Variants in DACH2 observed in about 807,000 individuals in gnomAD.
DACH2 encodes the protein dachshund family transcription factor 2.
DACH2 carries 17 observed loss-of-function variants against 35.8 expected under a neutral mutation model. That is an observed-to-expected ratio of 0.48 (90% CI 0.33 to 0.71). DACH2 has a LOEUF of 0.71. DACH2 is among the 30% of genes least tolerant of loss of function. The pLI, the probability that DACH2 is intolerant of heterozygous loss-of-function variation, is 0.02. For synonymous variants in DACH2, 195 were observed against 177.3 expected (o/e 1.10, Z -0.79); for missense variants, 469 against 472.7 (o/e 0.99, Z 0.07).
rs567863031 is a variant in DACH2 at position 86,630,779 on chromosome X, C to T, written c.641-20257C>T. Among the ~76,000 whole-genome samples, 26 of 109,883 alleles carry T rather than the reference C, an allele frequency of 2.4e-4. No homozygotes were observed. The South Asian group carries it at 0.01, about 44-fold the overall frequency. On this transcript the variant is annotated intron_variant, in intron 3 of 11. Transcript: ENST00000373125. ...GATCTCAGCTCACTGCAACTTCCGC[C>T]TCCTGGGTTTAAGCGATTCTCCTGC...
intron 1 of DACH2, among the ~76,000 whole-genome samples, chrX:86,296,176 G>A (rs989598256): frequency 4.1e-4 from 44 of 106,216 alleles, no homozygotes; most frequent in African/African-American, 1.3e-3. Context: ...TCAGGAGATC[G>A]AGACCATCCT....
chrX:86,604,368 CCTT>C (rs894469391), intron 3 of DACH2, among the ~76,000 whole-genome samples: 1 of 111,172 alleles, frequency 9.0e-6, no homozygotes, highest in Admixed American at 9.6e-5. Flanking sequence ...ATGTTGTACT[CCTT>C]CATGTATAAT....
At chrX:86,258,314 C>T (rs1241851677) in intron 1 of DACH2, among the ~76,000 whole-genome samples, 1 of 111,286 alleles carries the variant, frequency 9.0e-6, no homozygotes, top group East Asian at 2.8e-4. Flanking sequence ...AAATTGAAAG[C>T]ACACAATGTT....
At chrX:86,541,913 C>A (rs2038889102) in intron 3 of DACH2, among the ~76,000 whole-genome samples, 1 of 111,603 alleles carries the variant, frequency 9.0e-6, no homozygotes, top group African/African-American at 3.3e-5. Flanking sequence ...CTCTTAACCC[C>A]TGAGTGGTTA....
chrX:86,181,361 G>T (rs2031487791), intron 1 of DACH2, among the ~76,000 whole-genome samples: 1 of 110,509 alleles, frequency 9.0e-6, no homozygotes, highest in South Asian at 3.9e-4. Context: ...ACAGGCCCTG[G>T]TGTGTGATGT....
intron 1 of DACH2, among the ~76,000 whole-genome samples, chrX:86,263,561 CT>C (rs1186589573): frequency 9.0e-6 from 1 of 111,077 alleles, no homozygotes; most frequent in Non-Finnish European, 1.9e-5. Flanking sequence ...TAAGGTTTTT[CT>C]TTTTAAAGAA....
At chrX:86,821,570 T>A (rs1468223019) in intron 11 of DACH2, among the ~76,000 whole-genome samples, 1 of 111,635 alleles carries the variant, frequency 9.0e-6, no homozygotes, top group Non-Finnish European at 1.9e-5. Context: ...ACAGGATTTT[T>A]ATCCTGACTG....
intron 6 of DACH2, among the ~76,000 whole-genome samples, chrX:86,729,333 C>T (rs756388341): frequency 2.7e-5 from 3 of 112,034 alleles, no homozygotes; most frequent in East Asian, 2.8e-4. Flanking sequence ...TTACCCAATG[C>T]CTATACCCCT....
chrX:86,247,193 C>T (rs1012786427), intron 1 of DACH2, among the ~76,000 whole-genome samples: 4 of 111,167 alleles, frequency 3.6e-5, no homozygotes, highest in African/African-American at 9.8e-5. Flanking sequence ...TGTGAAGTTC[C>T]TAACATCACA....
Position 86,714,700 on chromosome X carries a change from G to A in DACH2, c.1084G>A (p.Ala362Thr). 8.5e-7 allele frequency: 1 copy of A among 1,174,360 alleles called. No homozygotes were observed. Among genetic ancestry groups the A allele is most frequent in the African/African-American group, 1.7e-5 (1 of 57,146 alleles). The stretch of plus-strand genomic sequence containing the variant: ...ACAGATTCACAGTCCACTCTCCAGA[G>A]CTGGTACCTCTGTTATAAAGGTAAG... ...AAQIHSPLSR[A>T]GTSVIKERIP... The change falls in exon 6 of 12, where the codon GCT becomes ACT. Residue 362 changes from alanine (A) to threonine (T), a missense_variant. Coordinates refer to ENST00000373125, the MANE Select transcript of DACH2 (RefSeq NM_053281.3).
chrX:86,635,981 A>C (rs1199160765), intron 3 of DACH2, among the ~76,000 whole-genome samples: 2 of 112,134 alleles, frequency 1.8e-5, no homozygotes, highest in East Asian at 5.6e-4. Flanking sequence ...ATTCAGTGCT[A>C]TTCCTATTAA....
chrX:86,800,245 T>C (rs921487082), intron 7 of DACH2, among the ~76,000 whole-genome samples: 3 of 112,218 alleles, frequency 2.7e-5, no homozygotes, highest in Non-Finnish European at 5.6e-5. Context: ...CTTTGATTTA[T>C]GCCACAATAC....
chrX:86,467,237 T>C (rs969449706), intron 2 of DACH2, among the ~76,000 whole-genome samples: 1 of 111,375 alleles, frequency 9.0e-6, no homozygotes, highest in African/African-American at 3.3e-5. Flanking sequence ...AGAAATTTCT[T>C]CCACCAAATA....
intron 3 of DACH2, among the ~76,000 whole-genome samples, chrX:86,626,551 G>T (rs931481456): frequency 2.7e-4 from 31 of 112,940 alleles, no homozygotes; most frequent in African/African-American, 1.0e-3. Flanking sequence ...CTTCTGCACT[G>T]CCCTAGTAGT....
In DACH2 at chrX:86,806,112, G is replaced by A. The variant is rs143542246; in HGVS notation, c.1241-6744G>A. Among the ~76,000 whole-genome samples the A allele has an allele frequency of 2.0e-3, 220 of 110,982 alleles. 6 individuals carry two copies. The highest frequency in any genetic ancestry group is 6.8e-3 in the African/African-American group (207 of 30,527). On this transcript the variant is annotated intron_variant, in intron 7 of 11. Coordinates refer to ENST00000373125, the MANE Select transcript of DACH2 (RefSeq NM_053281.3). ...TTCTGCATTAGTCTGTTCTTGCACT[G>A]CTATAAAGAAATACTTGAGACTGGG...
intron 3 of DACH2, among the ~76,000 whole-genome samples, chrX:86,583,330 T>C (rs1244692455): frequency 9.0e-6 from 1 of 110,539 alleles, no homozygotes; most frequent in Non-Finnish European, 1.9e-5. Context: ...CTTATCACTC[T>C]TATTGAACAT....
intron 5 of DACH2, among the ~76,000 whole-genome samples, chrX:86,713,653 G>T (rs185689858): frequency 1.4e-3 from 159 of 111,506 alleles, no homozygotes; most frequent in African/African-American, 4.9e-3. Flanking sequence ...GCTACGGTTT[G>T]CTCACAGTCA....
intron 3 of DACH2, among the ~76,000 whole-genome samples, chrX:86,642,936 C>A (rs5922266): frequency 6.3e-5 from 7 of 111,169 alleles, no homozygotes; most frequent in Non-Finnish European, 1.1e-4. Context: ...ATACCAGAAT[C>A]TCTGGGACAC....
Position 86,527,860 on chromosome X carries a change from A to C in DACH2, c.640+13469A>C, listed in dbSNP as rs748773069. On this transcript the variant is annotated intron_variant, in intron 3 of 11. Coordinates refer to ENST00000373125, the MANE Select transcript of DACH2 (RefSeq NM_053281.3). ...GCCAACACTTACTGTGTCCAGTCTT[A>C]GAAATATATTTTCAACAATATATCC... is the stretch of plus-strand genomic sequence containing the variant. Among the ~76,000 whole-genome samples the C allele has an allele frequency of 5.3e-5, 6 of 112,167 alleles. No individual in the cohort carries two copies. In the East Asian group the frequency reaches 1.7e-3, roughly 31 times the overall value.
Sources: allele counts gnomAD v4.1 joint callset (sites outside exome capture counted in the v4.1 genomes callset), GRCh38; gene constraint gnomAD v4.1.1; transcripts MANE v1.5; gene names NCBI Gene and HGNC (gene_info 2026-07-23, HGNC 2026-07-21).